GSK3B: variants seen among roughly 807,000 people sequenced by gnomAD.
GSK3B encodes glycogen synthase kinase-3 beta.
A neutral mutation model predicts 56.4 loss-of-function variants in GSK3B; 15 were observed. That is an observed-to-expected ratio of 0.27 (90% CI 0.18 to 0.41). The LOEUF (loss-of-function observed/expected upper bound fraction) is 0.41. Among genes scored for constraint, GSK3B ranks in the 10% least tolerant of loss-of-function variants. The pLI, the probability that GSK3B is intolerant of heterozygous loss-of-function variation, is 1.00. For missense variants in GSK3B, 300 were observed against 513.4 expected, an observed-to-expected ratio of 0.58 and a Z score of 4.02; for synonymous variants, 181 against 188.9, an observed-to-expected ratio of 0.96 and a Z score of 0.34.
At position 119,967,759 on chromosome 3, in the gene GSK3B, T is replaced by C. The variant is rs560031381; in HGVS notation, c.283-20408A>G. Among the ~76,000 whole-genome samples the C allele has an allele frequency of 3.5e-4, 46 of 130,256 alleles. No homozygotes were observed. In the South Asian group the frequency reaches 0.011, roughly 31 times the overall value. 85.5% of individuals were successfully genotyped at this position (130,256 alleles called of 152,430 possible). ...TCCCGTCCCGTCCCCTCCCCTCCCC[T>C]CCTTTTCTTTTCTTTCTCTTTCTTT... On this transcript the variant is annotated intron_variant, in intron 2 of 10. Coordinates refer to ENST00000264235, the MANE Select transcript of GSK3B (RefSeq NM_001146156.2).
At position 119,825,768 on chromosome 3, in the gene GSK3B, T is replaced by C. The variant is rs2037547; in HGVS notation, c.*1020A>G. The C allele has an allele frequency of 0.79, 175,894 of 222,520 alleles. 69,925 individuals carry two copies. Among genetic ancestry groups the C allele is most frequent in the East Asian group, 0.94 (14,187 of 15,148 alleles). The allele number at this position is 222,520 out of a possible 1,614,324, so 13.8% of individuals were successfully genotyped here. ...AAAATATGAAAAATAAACCAGTAGA[T>C]GACTGTTACAGTTCACATTATTTAA... is the stretch of plus-strand genomic sequence containing the variant. On this transcript the variant is annotated 3_prime_UTR_variant, in exon 11 of 11. Transcript: ENST00000264235.
At chr3:119,981,173 T>A (rs2107451220) in intron 2 of GSK3B, among the ~76,000 whole-genome samples, 1 of 152,262 alleles carries the variant, frequency 6.6e-6, no homozygotes, top group South Asian at 2.1e-4. Flanking sequence ...ATAATTAAAA[T>A]CCCAAACTTA....
chr3:119,877,139 A>G (rs550033621), intron 7 of GSK3B, among the ~76,000 whole-genome samples: 1 of 152,292 alleles, frequency 6.6e-6, no homozygotes, highest in African/African-American at 2.4e-5. Context: ...CATAAAAAAG[A>G]TTACCATACT....
intron 1 of GSK3B, among the ~76,000 whole-genome samples, chr3:120,077,462 G>A (rs988593063): frequency 6.6e-6 from 1 of 152,212 alleles, no homozygotes; most frequent in Admixed American, 6.5e-5. Flanking sequence ...GAGATAGAGA[G>A]TAAACTGGTT....
intron 1 of GSK3B, among the ~76,000 whole-genome samples, chr3:120,028,458 G>A (rs750720368): frequency 1.3e-5 from 2 of 152,064 alleles, no homozygotes; most frequent in African/African-American, 4.8e-5. Flanking sequence ...AGATTAAAAG[G>A]CCTAAATCTA....
rs751790636 is a variant in GSK3B at position 119,971,601 on chromosome 3, A to ATTTTTTTTT, written c.283-24259_283-24251dup. Among the ~76,000 whole-genome samples the ATTTTTTTTT allele has an allele frequency of 6.4e-4, 54 of 83,856 alleles. 7 individuals carry two copies. The highest frequency in any genetic ancestry group is 2.1e-3 in the African/African-American group (39 of 18,800). 55.0% of individuals were successfully genotyped at this position (83,856 alleles called of 152,430 possible). On this transcript the variant is annotated intron_variant, in intron 2 of 10. Transcript: ENST00000264235. Reference sequence around the variant, plus strand: ...ATTGATACTTAAACTATTTGCAATAATTTTTTTTTTTTTTTTTTTTTTTTT... The same window carrying ATTTTTTTTT: ...ATTGATACTTAAACTATTTGCAATAATTTTTTTTTTTTTTTTTTTTTTTTTTTTTTTTTT...
At chr3:119,987,584 T>C (rs1463141219) in intron 2 of GSK3B, among the ~76,000 whole-genome samples, 30 of 152,270 alleles carry the variant, frequency 2.0e-4, no homozygotes, top group Admixed American at 1.8e-3. Context: ...TTCTGTAAAT[T>C]GGGCATTAAA....
chr3:119,825,972 C>A lies in GSK3B; in HGVS notation c.*816G>T, dbSNP rs2055497094. 1 of 215,930 alleles carries A rather than the reference C, an allele frequency of 4.6e-6. No individual in the cohort carries two copies. 13.4% of individuals were successfully genotyped at this position (215,930 alleles called of 1,614,324 possible). A position where few individuals can be genotyped will look rare whatever the true frequency, so the allele number is the denominator to read the frequency against. On this transcript the variant is annotated 3_prime_UTR_variant, in exon 11 of 11. Transcript: ENST00000264235. ...ACACCCCTTCCATCTCCTCCCAGGT[C>A]ACTAGTTTGAAACTGTGCTAAGATT...
At chr3:120,078,862 T>C (rs1466376019) in intron 1 of GSK3B, among the ~76,000 whole-genome samples, 2 of 150,284 alleles carry the variant, frequency 1.3e-5, no homozygotes, top group East Asian at 3.9e-4. Flanking sequence ...GTCTCCTCTA[T>C]CCTTTCAAAA....
intron 1 of GSK3B, among the ~76,000 whole-genome samples, chr3:120,050,867 G>A (rs2058142670): frequency 6.6e-6 from 1 of 152,156 alleles, no homozygotes; most frequent in Admixed American, 6.5e-5. Flanking sequence ...AGGGTAGAAG[G>A]AAGGTAGGCA....
chr3:120,011,379 C>T (rs2057777480), intron 1 of GSK3B, among the ~76,000 whole-genome samples: 1 of 152,164 alleles, frequency 6.6e-6, no homozygotes, highest in Non-Finnish European at 1.5e-5. Flanking sequence ...TTTAGCATCT[C>T]TTCACTCCAG....
intron 1 of GSK3B, among the ~76,000 whole-genome samples, chr3:120,021,162 G>C (rs934875854): frequency 6.6e-6 from 1 of 152,078 alleles, no homozygotes; most frequent in African/African-American, 2.4e-5. Flanking sequence ...ATTTAGCTAA[G>C]ACCACTGATG....
Position 119,826,056 on chromosome 3 carries a change from C to G in GSK3B, c.*732G>C, listed in dbSNP as rs1184071630. ...ACCTGTAGAGCATGTGTGCCTGAGT[C>G]TTGCTTGCTGCTTCCCCTCTGGCAG... On this transcript the variant is annotated 3_prime_UTR_variant, in exon 11 of 11. Transcript: ENST00000264235. 2 of 223,360 alleles carry G rather than the reference C, an allele frequency of 9.0e-6. No homozygotes were observed. Among genetic ancestry groups the G allele is most frequent in the Non-Finnish European group, 1.8e-5 (2 of 112,134 alleles). The allele number at this position is 223,360 out of a possible 1,614,324, so 13.8% of individuals were successfully genotyped here.
At chr3:119,971,529 A>C (rs1204185797) in intron 2 of GSK3B, among the ~76,000 whole-genome samples, 1 of 149,352 alleles carries the variant, frequency 6.7e-6, no homozygotes, top group African/African-American at 2.5e-5. Flanking sequence ...AACTGGCCTT[A>C]TATATTTGGG....
intron 2 of GSK3B, among the ~76,000 whole-genome samples, chr3:119,996,399 C>T (rs969928005): frequency 2.0e-5 from 3 of 152,212 alleles, no homozygotes; most frequent in Non-Finnish European, 4.4e-5. Flanking sequence ...ATCTAATACA[C>T]AATTTCTTGC....
intron 7 of GSK3B, among the ~76,000 whole-genome samples, chr3:119,893,103 G>A (rs1392362234): frequency 2.0e-5 from 3 of 151,984 alleles, no homozygotes; most frequent in Non-Finnish European, 4.4e-5. Context: ...TACCTCCCAG[G>A]TTCAAGTGAT....
intron 9 of GSK3B, among the ~76,000 whole-genome samples, chr3:119,861,542 C>G (rs1198247849): frequency 1.3e-5 from 2 of 149,262 alleles, no homozygotes; most frequent in Non-Finnish European, 3.0e-5. Context: ...AACAAACAAA[C>G]AAACAAAAAA....
intron 7 of GSK3B, among the ~76,000 whole-genome samples, chr3:119,880,994 C>T (rs1297871079): frequency 6.6e-6 from 1 of 152,152 alleles, no homozygotes; most frequent in South Asian, 2.1e-4. Context: ...AAGCTATATA[C>T]CCTAACAGAG....
intron 2 of GSK3B, among the ~76,000 whole-genome samples, chr3:119,970,292 G>A (rs536751672): frequency 2.2e-4 from 33 of 152,220 alleles, no homozygotes; most frequent in Admixed American, 6.5e-4. Context: ...AAGATTTGAA[G>A]AGAAACTTCA....
Sources: gnomAD v4.1 joint callset for allele counts (sites outside exome capture counted in the v4.1 genomes callset) on GRCh38, gnomAD v4.1.1 for gene constraint, MANE v1.5 for transcripts, NCBI Gene and HGNC (gene_info 2026-07-23, HGNC 2026-07-21) for gene names.